The following NBEAL1 variants were observed in gnomAD, a reference collection of about 807,000 sequenced individuals.
NBEAL1 encodes neurobeachin-like protein 1.
In NBEAL1, 273 loss-of-function variants were observed where a neutral mutation model predicts 351.3. The ratio of observed to expected loss-of-function variants is 0.78; its 90% confidence interval spans 0.70 to 0.86. NBEAL1 has a LOEUF of 0.86. NBEAL1 is among the 40% of genes least tolerant of loss of function. The pLI, the probability that NBEAL1 is intolerant of heterozygous loss-of-function variation, is 0.00. For missense variants in NBEAL1, 2,961 were observed against 3,201.3 expected (o/e 0.92, Z 1.81); for synonymous variants, 1,050 against 1,086.4 (o/e 0.97, Z 0.66).
chr2:203,179,908 G>A (rs980232882), intron 42 of NBEAL1, among the ~76,000 whole-genome samples: 1 of 152,032 alleles, frequency 6.6e-6, no homozygotes, highest in African/African-American at 2.4e-5. Flanking sequence ...CAAGTAGCTG[G>A]GATTACAGGT....
intron 12 of NBEAL1, among the ~76,000 whole-genome samples, chr2:203,100,841 C>G (rs558223901): frequency 6.6e-6 from 1 of 152,278 alleles, no homozygotes; most frequent in East Asian, 1.9e-4. Flanking sequence ...AACCACCACA[C>G]CCAGCCCTGT....
intron 8 of NBEAL1, among the ~76,000 whole-genome samples, chr2:203,078,346 T>C (rs2061814687): frequency 6.6e-6 from 1 of 152,114 alleles, no homozygotes; most frequent in Admixed American, 6.5e-5. Flanking sequence ...AACTTTTCTG[T>C]TTTTGTTTTT....
intron 2 of NBEAL1, among the ~76,000 whole-genome samples, chr2:203,026,339 ATATAT>A (rs765782834): frequency 2.0e-5 from 3 of 152,138 alleles, no homozygotes; most frequent in East Asian, 1.9e-4. Flanking sequence ...ACCTCTTAGA[ATATAT>A]TATACAATTA....
chr2:203,205,688 A>G (rs1282477104), intron 51 of NBEAL1, among the ~76,000 whole-genome samples: 1 of 152,004 alleles, frequency 6.6e-6, no homozygotes, highest in Non-Finnish European at 1.5e-5. Context: ...TGATTTCTCT[A>G]CTCTTAAGTA....
At chr2:203,183,876 G>T (rs2064807760) in intron 44 of NBEAL1, among the ~76,000 whole-genome samples, 1 of 151,288 alleles carries the variant, frequency 6.6e-6, no homozygotes, top group African/African-American at 2.4e-5. Flanking sequence ...CAGGAGTTCG[G>T]AGATCAACCT....
chr2:203,202,218 A>G (rs951015306), intron 50 of NBEAL1, among the ~76,000 whole-genome samples: 2 of 152,160 alleles, frequency 1.3e-5, no homozygotes, highest in African/African-American at 2.4e-5. Flanking sequence ...GTACCAGTCA[A>G]TCCTAAGATA....
At chr2:203,045,555 A>G (rs912060339) in intron 3 of NBEAL1, among the ~76,000 whole-genome samples, 3 of 152,202 alleles carry the variant, frequency 2.0e-5, no homozygotes, top group African/African-American at 7.2e-5. Context: ...TCCTTATAAT[A>G]TGCTTTGTGG....
At position 203,040,672 on chromosome 2, in the gene NBEAL1, A is replaced by G. The variant is rs532724832; in HGVS notation, c.52-1093A>G. ...TGGTGACATTTGCTTGGAAGACCTC[A>G]TTCATGAAATTGCCTTCCCAGGGAA... On this transcript the variant is annotated intron_variant, in intron 2 of 55. Transcript: ENST00000683969. 4.2e-5 allele frequency: 27 copies of G among 637,724 alleles called. No individual in the cohort carries two copies. The African/African-American group carries it at 4.5e-4, about 11-fold the overall frequency. 39.5% of individuals were successfully genotyped at this position (637,724 alleles called of 1,614,324 possible). A position where few individuals can be genotyped will look rare whatever the true frequency, so the allele number is the denominator to read the frequency against.
At chr2:203,185,547 C>T (rs915960495) in intron 44 of NBEAL1, among the ~76,000 whole-genome samples, 1 of 152,106 alleles carries the variant, frequency 6.6e-6, no homozygotes, top group Non-Finnish European at 1.5e-5. Context: ...GAAAGTATAG[C>T]CATTTAATCA....
chr2:203,190,006 C>T (rs1436374432), intron 45 of NBEAL1, among the ~76,000 whole-genome samples: 4 of 151,648 alleles, frequency 2.6e-5, no homozygotes, highest in East Asian at 1.9e-4. Context: ...CGTGGTGGCA[C>T]GGACCTGTAG....
At chr2:203,068,307 T>C in intron 6 of NBEAL1, 86 bp from the exon 7 acceptor site, 1 of 616,032 alleles carries the variant, frequency 1.6e-6, no homozygotes, top group Non-Finnish European at 2.8e-6. Context: ...AAAGTAATAT[T>C]AAATTTGTTT....
At chr2:203,216,856 G>A (rs1367723583) in intron 55 of NBEAL1, among the ~76,000 whole-genome samples, 1 of 152,100 alleles carries the variant, frequency 6.6e-6, no homozygotes, top group Non-Finnish European at 1.5e-5. Flanking sequence ...CAGGCTGGAG[G>A]ACAGTGGCAC....
In NBEAL1 at chr2:203,106,229, C is replaced by T. The variant is rs374913526; in HGVS notation, c.1270-1191C>T. On this transcript the variant is annotated intron_variant, in intron 12 of 55. Transcript: ENST00000683969. ...TACATGTCAGTGACTTTTATTATTA[C>T]TTTACACTCTTATCTGCCACATCTA... Among the ~76,000 whole-genome samples, 3 of 152,184 alleles carry T rather than the reference C, an allele frequency of 2.0e-5. No individual in the cohort carries two copies. The South Asian group carries it at 6.2e-4, about 32-fold the overall frequency.
In NBEAL1 at chr2:203,135,746, A is replaced by C; in HGVS notation, c.3883A>C (p.Thr1295Pro). 1 of 1,584,088 alleles carries C rather than the reference A, an allele frequency of 6.3e-7. No individual in the cohort carries two copies. Among genetic ancestry groups the C allele is most frequent in the Non-Finnish European group, 8.6e-7 (1 of 1,163,826 alleles). Residue 1295 changes from threonine (T) to proline (P), a missense_variant, in exon 28 of 56, where the codon ACC (threonine) becomes CCC (proline). Coordinates refer to ENST00000683969, the MANE Select transcript of NBEAL1 (RefSeq NM_001378026.1). ...ATCACAGCAAGTGGGTTGGCAAGAC[A>C]CCTTAGTTAGGCTTTTTTTAAAAGC... is the stretch of plus-strand genomic sequence containing the variant. ...QISQQVGWQD[T>P]LVRLFLKAKF...
At chr2:203,215,707 G>A (rs1336589423) in intron 55 of NBEAL1, among the ~76,000 whole-genome samples, 1 of 150,724 alleles carries the variant, frequency 6.6e-6, no homozygotes, top group Non-Finnish European at 1.5e-5. Flanking sequence ...AAAAAGAAAA[G>A]TGACCATTAA....
intron 8 of NBEAL1, among the ~76,000 whole-genome samples, chr2:203,080,495 G>GT (rs1346883027): frequency 9.2e-5 from 14 of 151,830 alleles, no homozygotes; most frequent in Non-Finnish European, 1.3e-4. Context: ...CTCTCTGTAT[G>GT]TTTTTTTTCA....
intron 46 of NBEAL1, among the ~76,000 whole-genome samples, chr2:203,192,763 ATTTAC>A (rs1353778486): frequency 2.0e-5 from 3 of 152,226 alleles, no homozygotes; most frequent in Non-Finnish European, 1.5e-5. Flanking sequence ...AGATGTAAGA[ATTTAC>A]TTTAGATAGA....
chr2:203,021,359 T>C (rs955187858), intron 2 of NBEAL1, among the ~76,000 whole-genome samples: 8 of 151,396 alleles, frequency 5.3e-5, no homozygotes, highest in Admixed American at 3.3e-4. Context: ...TTTGGGAGGC[T>C]GAGGCAGGTG....
At chr2:203,155,267 AT>A (rs1559411817) in intron 35 of NBEAL1, among the ~76,000 whole-genome samples, 5 of 144,998 alleles carry the variant, frequency 3.4e-5, no homozygotes, top group African/African-American at 1.3e-4. Flanking sequence ...AAAAAAATTG[AT>A]TTAAGAAATT....
Sources: allele counts gnomAD v4.1 joint callset (sites outside exome capture counted in the v4.1 genomes callset), GRCh38; gene constraint gnomAD v4.1.1; transcripts MANE v1.5; gene names NCBI Gene and HGNC (gene_info 2026-07-23, HGNC 2026-07-21).